The following PDCD4 variants were observed in gnomAD, a reference collection of about 807,000 sequenced individuals.
The protein encoded by PDCD4 is programmed cell death 4, also known as programmed cell death protein 4.
A neutral mutation model predicts 54.0 loss-of-function variants in PDCD4; 56 were observed. The ratio of observed to expected loss-of-function variants is 1.04; its 90% CI spans 0.84 to 1.30. PDCD4 has a LOEUF of 1.30. PDCD4 is among the 50% of genes most tolerant of loss of function. The pLI is 0.00. For synonymous variants in PDCD4, 186 were observed against 194.8 expected (o/e 0.95, Z 0.37); for missense variants, 584 against 559.8 (o/e 1.04, Z -0.44).
chr10:110,885,470 T>C (rs936500081), intron 5 of PDCD4, 104 bp downstream of exon 5: 9 of 529,262 alleles, frequency 1.7e-5, no homozygotes, highest in African/African-American at 1.0e-4. Context: ...ATAAATTTAA[T>C]CATTTTCTTT....
chr10:110,894,238 T>G (rs1321484940), intron 9 of PDCD4, 40 bp downstream of exon 9: 7 of 1,167,200 alleles, frequency 6.0e-6, no homozygotes, highest in Non-Finnish European at 9.1e-6. Context: ...TTATTAAGTG[T>G]TCCTTTTTGT....
chr10:110,892,641 G>A (rs559020740), intron 8 of PDCD4, among the ~76,000 whole-genome samples: 4 of 152,234 alleles, frequency 2.6e-5, no homozygotes, highest in South Asian at 4.1e-4. Flanking sequence ...GGATGGTGGT[G>A]GTCCCATAAG....
chr10:110,886,658 C>G (rs139894844), intron 5 of PDCD4, among the ~76,000 whole-genome samples: 1 of 152,106 alleles, frequency 6.6e-6, no homozygotes, highest in East Asian at 1.9e-4. Context: ...AGTTTGGCTA[C>G]TCCAGCTGTG....
chr10:110,879,136 G>A (rs1402358353), intron 2 of PDCD4, among the ~76,000 whole-genome samples: 1 of 152,100 alleles, frequency 6.6e-6, no homozygotes, highest in Non-Finnish European at 1.5e-5. Flanking sequence ...TACTACCCTT[G>A]CTCTTTACCA....
At chr10:110,872,450 C>T (rs956974200) in intron 1 of PDCD4, among the ~76,000 whole-genome samples, 6 of 152,208 alleles carry the variant, frequency 3.9e-5, no homozygotes, top group African/African-American at 1.2e-4. Context: ...GATTCGCGCC[C>T]TCCCCGCCCC....
intron 1 of PDCD4, among the ~76,000 whole-genome samples, chr10:110,873,426 A>G (rs1020651580): frequency 3.3e-5 from 5 of 152,234 alleles, no homozygotes; most frequent in African/African-American, 1.2e-4. Flanking sequence ...GGTATATTTC[A>G]GGAAATACAT....
Position 110,881,335 on chromosome 10 carries a change from C to T in PDCD4, c.146C>T (p.Ser49Phe). ...AATGGAAATTGGATTTCAGCATCCT[C>T]CATTAACGAAGCTAGAATTAATGCC... ...EINGNWISAS[S>F]INEARINAKA... The change falls in exon 3 of 12, where the codon TCC becomes TTC. Residue 49 changes from serine to phenylalanine, a missense_variant. Transcript: ENST00000280154. The T allele has an allele frequency of 6.2e-7, 1 of 1,614,032 alleles. No homozygotes were observed. The highest frequency in any genetic ancestry group is 8.5e-7 in the Non-Finnish European group (1 of 1,179,916).
chr10:110,875,891 A>G (rs928902714), intron 1 of PDCD4, 75 bp from the exon 2 acceptor site: 4 of 569,416 alleles, frequency 7.0e-6, no homozygotes, highest in Non-Finnish European at 1.2e-5. Flanking sequence ...CAGTGTGCTT[A>G]AGTAAGTTTA....
In PDCD4 at chr10:110,894,117, ACT is replaced by A. The variant is rs1845794975; in HGVS notation, c.1022_1023del (p.Ser341TrpfsTer5). The A allele has an allele frequency of 3.1e-6, 5 of 1,604,252 alleles. No homozygotes were observed. Among genetic ancestry groups the A allele is most frequent in the Non-Finnish European group, 4.3e-6 (5 of 1,171,630 alleles). On this transcript the variant is annotated frameshift_variant, in exon 9 of 12. Transcript: ENST00000280154. LOFTEE classifies it high-confidence loss of function. ...TTGATATGCTGCTGAAAGAATATTT[ACT>A]CTCTGGAGACATATCTGAAGCTGAA... ...EIDMLLKEYL[L>X]SGDISEAEHC...
chr10:110,881,497 G>T lies in PDCD4; in HGVS notation c.308G>T (p.Arg103Leu). 1 of 1,613,032 alleles carries T rather than the reference G, an allele frequency of 6.2e-7. No homozygotes were observed. The highest frequency in any genetic ancestry group is 8.5e-7 in the Non-Finnish European group (1 of 1,179,066). The part of the protein sequence containing the change: ...TSPKGRLLDR[R>L]SRSGKGRGLP... ...CCAAAGGGAAGGTTGCTGGATAGGC[G>T]ATCCAGATCTGGGAAAGGAAGGGGA... is the stretch of plus-strand genomic sequence containing the variant. The change falls in exon 3 of 12, where the codon CGA becomes CTA. Residue 103 changes from arginine to leucine, a missense_variant. Coordinates refer to ENST00000280154, the MANE Select transcript of PDCD4 (RefSeq NM_014456.5).
chr10:110,893,612 G>T (rs555554944), intron 8 of PDCD4, among the ~76,000 whole-genome samples: 5 of 151,912 alleles, frequency 3.3e-5, no homozygotes, highest in Non-Finnish European at 7.4e-5. Context: ...AGAGAAAAGA[G>T]AAACTATGTG....
intron 8 of PDCD4, among the ~76,000 whole-genome samples, chr10:110,892,265 A>G (rs1274310123): frequency 6.6e-6 from 1 of 152,238 alleles, no homozygotes; most frequent in Non-Finnish European, 1.5e-5. Context: ...TAATATTGTT[A>G]AGATGGTAAT....
chr10:110,872,592 C>T (rs1385097547), intron 1 of PDCD4, among the ~76,000 whole-genome samples: 1 of 152,314 alleles, frequency 6.6e-6, no homozygotes, highest in South Asian at 2.1e-4. Flanking sequence ...TAGCCTGAGC[C>T]CGCTGCGGGA....
At position 110,894,510 on chromosome 10, in the gene PDCD4, C is replaced by T; in HGVS notation, c.1197C>T (p.Asp399=). 1 of 1,405,556 alleles carries T rather than the reference C, an allele frequency of 7.1e-7. No homozygotes were observed. Among genetic ancestry groups the T allele is most frequent in the Non-Finnish European group, 1.0e-6 (1 of 995,850 alleles). 87.1% of individuals were successfully genotyped at this position (1,405,556 alleles called of 1,614,324 possible). ...GGAAGTCTTCTACCATTACTGTAGA[C>T]CAAATGAAAAGAGTAAGTATAACAT... ...SLWKSSTITV[D]QMKRGYERIY... Residue 399 remains aspartate (D), a synonymous_variant, in exon 10 of 12, where the codon GAC becomes GAT. Transcript: ENST00000280154.
chr10:110,874,974 G>A (rs953859514), intron 1 of PDCD4, among the ~76,000 whole-genome samples: 1 of 152,032 alleles, frequency 6.6e-6, no homozygotes, highest in Non-Finnish European at 1.5e-5. Flanking sequence ...AGAGCACACT[G>A]CTAGCAACCT....
chr10:110,873,460 G>C (rs1845453436), intron 1 of PDCD4, among the ~76,000 whole-genome samples: 2 of 152,290 alleles, frequency 1.3e-5, no homozygotes, highest in South Asian at 4.1e-4. Flanking sequence ...GTGGGGGAGT[G>C]GAGGGTCTGT....
At chr10:110,874,547 G>T (rs889737522) in intron 1 of PDCD4, among the ~76,000 whole-genome samples, 1 of 151,642 alleles carries the variant, frequency 6.6e-6, no homozygotes, top group Non-Finnish European at 1.5e-5. Context: ...ATCTAAAGTT[G>T]GCGGGAGTTA....
At chr10:110,873,764 T>C (rs1845459599) in intron 1 of PDCD4, among the ~76,000 whole-genome samples, 1 of 152,150 alleles carries the variant, frequency 6.6e-6, no homozygotes, top group Non-Finnish European at 1.5e-5. Context: ...TTAAAACGTG[T>C]TTGTTGCTGT....
rs367841905 is a variant in PDCD4, at chr10:110,882,986, A to T, written c.347-17A>T. 2 of 1,509,690 alleles carry T rather than the reference A, an allele frequency of 1.3e-6. No individual in the cohort carries two copies. The highest frequency in any genetic ancestry group is 1.1e-5 in the South Asian group (1 of 87,560). The allele number at this position is 1,509,690 out of a possible 1,614,324, so 93.5% of individuals were successfully genotyped here. A position where few individuals can be genotyped will look rare whatever the true frequency, so the allele number is the denominator to read the frequency against. Reference sequence around the variant, plus strand: ...TGAATTTTGTGTTTTTTCTTTCTCAATGCTAAACTTTTTCAGGTGGTGCAG... The same window carrying T: ...TGAATTTTGTGTTTTTTCTTTCTCATTGCTAAACTTTTTCAGGTGGTGCAG... On this transcript the variant is annotated splice_polypyrimidine_tract_variant and intron_variant, in intron 3 of 11. Coordinates refer to ENST00000280154, the MANE Select transcript of PDCD4 (RefSeq NM_014456.5).
Sources: allele counts gnomAD v4.1 joint callset (sites outside exome capture counted in the v4.1 genomes callset), GRCh38; gene constraint gnomAD v4.1.1; transcripts MANE v1.5; gene names NCBI Gene and HGNC (gene_info 2026-07-23, HGNC 2026-07-21).